The following STON2 variants were observed in gnomAD, a reference collection of about 807,000 sequenced individuals.
STON2 encodes the protein stonin 2.
Under a neutral mutation model 65.7 loss-of-function variants are expected in STON2, and 29 were observed. The observed-to-expected ratio is 0.44, with a 90% CI of 0.33 to 0.60. The LOEUF is 0.60. Ranked by LOEUF, STON2 falls within the 20% of genes least tolerant of loss-of-function variation. STON2 has a pLI of 0.03. For synonymous variants in STON2, 404 were observed against 414.2 expected (o/e 0.98, Z 0.30); for missense variants, 1,054 against 1,118.1 (o/e 0.94, Z 0.82).
At chr14:81,381,043 T>A (rs11625151) in intron 3 of STON2, among the ~76,000 whole-genome samples, 73,804 of 151,984 alleles carry the variant, frequency 0.49, 18,439 homozygotes, top group East Asian at 0.73. Flanking sequence ...TCATACTATT[T>A]AGAATGAATG....
chr14:81,342,789 G>A lies in STON2; in HGVS notation c.572-18602C>T, dbSNP rs139294223. Among the ~76,000 whole-genome samples, 329 of 152,178 alleles carry A rather than the reference G, an allele frequency of 2.2e-3. 1 individual carries two copies. Among genetic ancestry groups the A allele is most frequent in the Middle Eastern group, 0.017 (5 of 294 alleles). On this transcript the variant is annotated intron_variant, in intron 4 of 7. Coordinates refer to ENST00000614646, the MANE Select transcript of STON2 (RefSeq NM_001394390.1). The stretch of plus-strand genomic sequence containing the variant: ...TAGAAGGGGGGGCATGGGGACAAGT[G>A]AAGCCAGAGAGCGCCAGAACAGAGT...
rs1466730416 is a variant in STON2 at position 81,263,066 on chromosome 14, T to C, written c.*5348A>G. Reference sequence around the variant, plus strand: ...GTTTGAATGGGACTTAGTAGTAAAGTGTGTGAGACAGTGCATTTACCAAAT... The same window carrying C: ...GTTTGAATGGGACTTAGTAGTAAAGCGTGTGAGACAGTGCATTTACCAAAT... On this transcript the variant is annotated 3_prime_UTR_variant, in exon 8 of 8. Coordinates refer to ENST00000614646, the MANE Select transcript of STON2 (RefSeq NM_001394390.1). 9 of 985,158 alleles carry C rather than the reference T, an allele frequency of 9.1e-6. No homozygotes were observed. Among genetic ancestry groups the C allele is most frequent in the Non-Finnish European group, 1.1e-5 (9 of 829,820 alleles). The allele number at this position is 985,158 out of a possible 1,614,324, so 61.0% of individuals were successfully genotyped here. A position where few individuals can be genotyped will look rare whatever the true frequency, so the allele number is the denominator to read the frequency against.
chr14:81,274,332 T>G (rs1408632890), intron 6 of STON2, among the ~76,000 whole-genome samples: 1 of 152,210 alleles, frequency 6.6e-6, no homozygotes, highest in Non-Finnish European at 1.5e-5. Flanking sequence ...CTGTGCTGTA[T>G]TTCAAAAATC....
Position 81,370,629 on chromosome 14 carries a change from G to A in STON2, c.571+359C>T, listed in dbSNP as rs115327433. On this transcript the variant is annotated intron_variant, in intron 4 of 7. Coordinates refer to ENST00000614646, the MANE Select transcript of STON2 (RefSeq NM_001394390.1). The stretch of plus-strand genomic sequence containing the variant: ...CTCTTATTGAAAAGGCAAGATGCAT[G>A]GGTAGTAGGATGAAAGATTCAGCCT... Among the ~76,000 whole-genome samples the A allele has an allele frequency of 5.3e-3, 807 of 152,318 alleles. 5 individuals carry two copies. The highest frequency in any genetic ancestry group is 0.018 in the African/African-American group (748 of 41,568).
chr14:81,360,264 A>T (rs1595393463), intron 4 of STON2, among the ~76,000 whole-genome samples: 1 of 152,218 alleles, frequency 6.6e-6, no homozygotes, highest in African/African-American at 2.4e-5. Context: ...ATGAACATAA[A>T]TGCCAAAATC....
chr14:81,364,509 A>G (rs1898632862), intron 4 of STON2, among the ~76,000 whole-genome samples: 1 of 152,162 alleles, frequency 6.6e-6, no homozygotes, highest in African/African-American at 2.4e-5. Context: ...CTTCCAAGTC[A>G]GCTTTGCCAA....
intron 3 of STON2, among the ~76,000 whole-genome samples, chr14:81,393,203 A>G (rs549098299): frequency 3.8e-4 from 58 of 152,368 alleles, no homozygotes; most frequent in African/African-American, 1.4e-3. Flanking sequence ...ATTGACTGTC[A>G]TATAAATAGT....
intron 1 of STON2, among the ~76,000 whole-genome samples, chr14:81,430,474 T>C (rs902353758): frequency 6.6e-6 from 1 of 152,180 alleles, no homozygotes; most frequent in African/African-American, 2.4e-5. Flanking sequence ...TTCGCTGTGA[T>C]GAAACATCAC....
At chr14:81,270,484 C>T in intron 7 of STON2, 186 bp downstream of exon 7, 9 of 1,502,380 alleles carry the variant, frequency 6.0e-6, no homozygotes, top group Non-Finnish European at 8.0e-6. Flanking sequence ...TTCTCTCATC[C>T]ACTAGCCAGA....
intron 4 of STON2, among the ~76,000 whole-genome samples, chr14:81,345,185 G>A (rs1235960709): frequency 1.3e-5 from 2 of 152,204 alleles, no homozygotes; most frequent in Non-Finnish European, 2.9e-5. Context: ...CTTCTGAATT[G>A]TAGTTACATA....
chr14:81,404,331 AT>A (rs1900746439), upstream of STON2, among the ~76,000 whole-genome samples: 1 of 152,248 alleles, frequency 6.6e-6, no homozygotes, highest in African/African-American at 2.4e-5. Flanking sequence ...TTTAAAGAGT[AT>A]AAAAAGGTGT....
rs191452558 is a variant in STON2 at position 81,420,402 on chromosome 14, G to C, written c.-199+6700C>G. Among the ~76,000 whole-genome samples the C allele has an allele frequency of 3.1e-4, 47 of 152,344 alleles. No individual in the cohort carries two copies. In the East Asian group the frequency reaches 7.9e-3, roughly 26 times the overall value. ...AGCATCTGCAGGTTTTTAGAAGTCT[G>C]TCACAGAACATCGCCCATTCATTCA... On this transcript the variant is annotated intron_variant, in intron 2 of 8. Coordinates refer to the STON2 transcript ENST00000553821.
rs4903973 is a variant in STON2 at position 81,267,097 on chromosome 14, G to A, written c.*1317C>T. On this transcript the variant is annotated 3_prime_UTR_variant, in exon 8 of 8. Transcript: ENST00000614646. Reference sequence around the variant, plus strand: ...TTTCTGCATCATCTACAAATCCAATGAAGTGTGCTTTCTGTCCCCCGACTT... The same window carrying A: ...TTTCTGCATCATCTACAAATCCAATAAAGTGTGCTTTCTGTCCCCCGACTT... The A allele has an allele frequency of 0.99, 976,846 of 985,342 alleles. 484,623 individuals are homozygous for A. Among genetic ancestry groups the A allele is most frequent in the African/African-American group, 1 (57,220 of 57,342 alleles). 61.0% of individuals were successfully genotyped at this position (985,342 alleles called of 1,614,324 possible).
intron 5 of STON2, among the ~76,000 whole-genome samples, chr14:81,319,596 T>A (rs993506182): frequency 2.0e-5 from 3 of 152,200 alleles, no homozygotes. Context: ...TTTGTTTAAG[T>A]ATAGATGAAC....
At chr14:81,424,940 G>A (rs765649834) in intron 2 of STON2, among the ~76,000 whole-genome samples, 6 of 152,152 alleles carry the variant, frequency 3.9e-5, no homozygotes, top group Non-Finnish European at 7.3e-5. Context: ...AAAAACCACA[G>A]TAGGGATTTA....
intron 3 of STON2, among the ~76,000 whole-genome samples, chr14:81,393,177 G>A (rs8020575): frequency 0.3 from 45,413 of 152,130 alleles, 7,028 homozygotes; most frequent in South Asian, 0.38. Flanking sequence ...GGAAAAATCA[G>A]TGAAGAGTTG....
chr14:81,375,702 G>GC (rs1456622378), intron 3 of STON2, among the ~76,000 whole-genome samples: 2 of 151,724 alleles, frequency 1.3e-5, no homozygotes, highest in Non-Finnish European at 2.9e-5. Flanking sequence ...AATGATCATA[G>GC]AACATTACAC....
intron 5 of STON2, among the ~76,000 whole-genome samples, chr14:81,311,290 C>T (rs1055147093): frequency 9.9e-5 from 15 of 152,176 alleles, no homozygotes; most frequent in African/African-American, 3.4e-4. Context: ...GCCTAATCAT[C>T]TCTGCTTTGC....
chr14:81,419,652 G>A (rs1368137599), intron 2 of STON2, among the ~76,000 whole-genome samples: 3 of 152,156 alleles, frequency 2.0e-5, no homozygotes, highest in Non-Finnish European at 4.4e-5. Flanking sequence ...CTGCATCCAC[G>A]CTCTAGAGAC....
Sources: allele counts gnomAD v4.1 joint callset (sites outside exome capture counted in the v4.1 genomes callset), GRCh38; gene constraint gnomAD v4.1.1; transcripts MANE v1.5; gene names NCBI Gene and HGNC (gene_info 2026-07-23, HGNC 2026-07-21).